TMOD1: variants seen among roughly 807,000 people sequenced by gnomAD.
The protein encoded by TMOD1 is tropomodulin 1, also known as tropomodulin-1.
In TMOD1, 17 loss-of-function variants were observed where a neutral mutation model predicts 40.6. The observed-to-expected ratio is 0.42, with a 90% CI of 0.29 to 0.63. The LOEUF is 0.63. Ranked by LOEUF, TMOD1 falls within the 20% of genes least tolerant of loss-of-function variation. TMOD1 has a pLI of 0.22. For missense variants in TMOD1, 391 were observed against 447.6 expected (o/e 0.87, Z 1.14); for synonymous variants, 181 against 175.0 (o/e 1.03, Z -0.27).
Position 97,599,910 on chromosome 9 carries a change from G to T in TMOD1, c.*212G>T. 9.0e-6 allele frequency: 12 copies of T among 1,334,514 alleles called. No homozygotes were observed. The highest frequency in any genetic ancestry group is 1.2e-5 in the Non-Finnish European group (12 of 1,036,786). 82.7% of individuals were successfully genotyped at this position (1,334,514 alleles called of 1,614,324 possible). A position where few individuals can be genotyped will look rare whatever the true frequency, so the allele number is the denominator to read the frequency against. Reference sequence around the variant, plus strand: ...AAGTTTTTCTTTAGTCACAGAAGTTGAATCTGGTTATTATTTAAAAACTAG... The same window carrying T: ...AAGTTTTTCTTTAGTCACAGAAGTTTAATCTGGTTATTATTTAAAAACTAG... On this transcript the variant is annotated 3_prime_UTR_variant, in exon 10 of 10. Coordinates refer to ENST00000259365, the MANE Select transcript of TMOD1 (RefSeq NM_003275.4).
At chr9:97,534,298 G>T (rs1830146867) in intron 2 of TMOD1, among the ~76,000 whole-genome samples, 1 of 152,334 alleles carries the variant, frequency 6.6e-6, no homozygotes, top group Non-Finnish European at 1.5e-5. Context: ...GTTCACTAGT[G>T]TGATGGCCTG....
chr9:97,540,570 A>C (rs200883106), intron 2 of TMOD1, among the ~76,000 whole-genome samples: 1 of 152,182 alleles, frequency 6.6e-6, no homozygotes, highest in Non-Finnish European at 1.5e-5. Flanking sequence ...GGCAACCACT[A>C]ATCTACTTTC....
chr9:97,539,462 T>TG (rs1830241673), intron 2 of TMOD1, among the ~76,000 whole-genome samples: 1 of 152,128 alleles, frequency 6.6e-6, no homozygotes, highest in Non-Finnish European at 1.5e-5. Flanking sequence ...CAGGCACCAT[T>TG]TGAAATTTGG....
chr9:97,522,053 G>A (rs1829925220), intron 1 of TMOD1, among the ~76,000 whole-genome samples: 1 of 152,164 alleles, frequency 6.6e-6, no homozygotes, highest in African/African-American at 2.4e-5. Flanking sequence ...TTGGTTGGTT[G>A]GCTTGCATGG....
chr9:97,572,932 G>C (rs959237891), intron 8 of TMOD1, among the ~76,000 whole-genome samples: 1 of 152,198 alleles, frequency 6.6e-6, no homozygotes, highest in African/African-American at 2.4e-5. Flanking sequence ...ATGGTGAATT[G>C]GGAAAGGGCA....
chr9:97,556,874 G>A (rs1263526025), intron 4 of TMOD1, among the ~76,000 whole-genome samples: 2 of 152,210 alleles, frequency 1.3e-5, no homozygotes, highest in Admixed American at 1.3e-4. Flanking sequence ...AGCGGCAGGA[G>A]GAGCGGTTCC....
chr9:97,528,927 T>A (rs1468883160), intron 2 of TMOD1, among the ~76,000 whole-genome samples: 2 of 152,244 alleles, frequency 1.3e-5, no homozygotes, highest in Non-Finnish European at 2.9e-5. Context: ...CTAAGGAATT[T>A]GAAAATATTA....
chr9:97,518,493 T>C (rs1829862045), intron 1 of TMOD1, among the ~76,000 whole-genome samples: 1 of 152,250 alleles, frequency 6.6e-6, no homozygotes, highest in Non-Finnish European at 1.5e-5. Flanking sequence ...CAAATACAAA[T>C]GCTAAGAAAT....
intron 2 of TMOD1, among the ~76,000 whole-genome samples, chr9:97,531,430 G>A (rs779016296): frequency 1.3e-5 from 2 of 152,054 alleles, no homozygotes; most frequent in African/African-American, 2.4e-5. Context: ...GGCCAACATA[G>A]AGAAACCCTA....
At position 97,524,497 on chromosome 9, in the gene TMOD1, G is replaced by GGGGGGT. The variant is rs561183211; in HGVS notation, c.120+190_120+191insGGGGTG. On this transcript the variant is annotated intron_variant, in intron 2 of 9. Coordinates refer to ENST00000259365, the MANE Select transcript of TMOD1 (RefSeq NM_003275.4). ...CTCCAGAGAAAGAGAGAACCAATAG[G>GGGGGGT]GTGTGTGTGTGTGTGTGTGTGTGTA... 2.8e-5 allele frequency among the ~76,000 whole-genome samples: 4 copies of GGGGGGT among 142,936 alleles called. No individual in the cohort carries two copies. The East Asian group carries it at 8.2e-4, about 29-fold the overall frequency. 93.8% of individuals were successfully genotyped at this position (142,936 alleles called of 152,430 possible). A position where few individuals can be genotyped will look rare whatever the true frequency, so the allele number is the denominator to read the frequency against.
chr9:97,574,323 G>C (rs1336280382), intron 8 of TMOD1, among the ~76,000 whole-genome samples: 1 of 151,990 alleles, frequency 6.6e-6, no homozygotes, highest in Non-Finnish European at 1.5e-5. Flanking sequence ...GCGGCCGGCC[G>C]ACCCCGCCGG....
In TMOD1 at chr9:97,592,626, G is replaced by T. The variant is rs894749613; in HGVS notation, c.1015+1191G>T. On this transcript the variant is annotated intron_variant, in intron 9 of 9. Transcript: ENST00000259365. ...GTCACTTCCTGGTGATTTATCTGAG[G>T]CCAGGTCACTACCTGGAAGCCCTCG... is the stretch of plus-strand genomic sequence containing the variant. Among the ~76,000 whole-genome samples, 29 of 152,302 alleles carry T rather than the reference G, an allele frequency of 1.9e-4. 1 individual carries two copies. The highest frequency in any genetic ancestry group is 6.7e-4 in the African/African-American group (28 of 41,568).
intron 1 of TMOD1, among the ~76,000 whole-genome samples, chr9:97,508,443 G>A (rs1249583761): frequency 6.6e-6 from 1 of 152,136 alleles, no homozygotes; most frequent in Non-Finnish European, 1.5e-5. Flanking sequence ...ACCCACCTCG[G>A]CCTCCCACAG....
intron 7 of TMOD1, among the ~76,000 whole-genome samples, chr9:97,567,722 G>A (rs10817778): frequency 0.55 from 84,147 of 151,946 alleles, 23,519 homozygotes; most frequent in East Asian, 0.71. Flanking sequence ...AGAGACAGAC[G>A]CCATCATAGA....
intron 1 of TMOD1, among the ~76,000 whole-genome samples, chr9:97,521,544 G>C (rs912809745): frequency 7.2e-5 from 11 of 152,156 alleles, no homozygotes; most frequent in African/African-American, 2.7e-4. Flanking sequence ...AAATTAGGCT[G>C]TTTTCTGAGG....
chr9:97,547,243 C>T (rs931578425), intron 3 of TMOD1, among the ~76,000 whole-genome samples: 7 of 151,840 alleles, frequency 4.6e-5, no homozygotes, highest in African/African-American at 1.5e-4. Flanking sequence ...TCCCATTGTT[C>T]CACAGGCCTC....
intron 1 of TMOD1, among the ~76,000 whole-genome samples, chr9:97,505,967 G>A (rs978092454): frequency 1.3e-5 from 2 of 152,008 alleles, no homozygotes; most frequent in African/African-American, 2.4e-5. Context: ...ATTTCCTAAG[G>A]GATAAAGACC....
At chr9:97,567,586 AT>A (rs1340522854) in intron 7 of TMOD1, among the ~76,000 whole-genome samples, 5 of 152,092 alleles carry the variant, frequency 3.3e-5, no homozygotes, top group Non-Finnish European at 7.4e-5. Context: ...ACTGGTTGTT[AT>A]TTTGATTTTT....
At chr9:97,514,605 C>T (rs1181597944) in intron 1 of TMOD1, among the ~76,000 whole-genome samples, 1 of 152,204 alleles carries the variant, frequency 6.6e-6, no homozygotes, top group Non-Finnish European at 1.5e-5. Context: ...CAGCCTCCCA[C>T]TTCCCACTCC....
Sources: allele counts gnomAD v4.1 joint callset (sites outside exome capture counted in the v4.1 genomes callset), GRCh38; gene constraint gnomAD v4.1.1; transcripts MANE v1.5; gene names NCBI Gene and HGNC (gene_info 2026-07-23, HGNC 2026-07-21).